The following THSD4 variants were observed in gnomAD, a reference collection of about 807,000 sequenced individuals.
The protein encoded by THSD4 is thrombospondin type-1 domain-containing protein 4.
In THSD4, 69 loss-of-function variants were observed where a neutral mutation model predicts 119.0. That is an observed-to-expected ratio of 0.58 (90% CI 0.48 to 0.71). The LOEUF is 0.71. Ranked by LOEUF, THSD4 falls within the 30% of genes least tolerant of loss-of-function variation. The probability of loss-of-function intolerance (pLI) is 0.00; values close to 1 mark genes in which losing one functional copy is unlikely to be tolerated. For missense variants in THSD4, 1,393 were observed against 1,391.1 expected (o/e 1.00, Z -0.02); for synonymous variants, 524 against 540.4 (o/e 0.97, Z 0.42).
chr15:71,439,147 C>T (rs2047054637), intron 7 of THSD4, among the ~76,000 whole-genome samples: 1 of 152,232 alleles, frequency 6.6e-6, no homozygotes. Flanking sequence ...AAACAAATCA[C>T]TGCTCCCATA....
At chr15:71,721,204 T>TA (rs1226573585) in intron 8 of THSD4, among the ~76,000 whole-genome samples, 4 of 151,146 alleles carry the variant, frequency 2.6e-5, no homozygotes, top group South Asian at 4.2e-4. Flanking sequence ...CTGTCTCTAT[T>TA]AAAAAATACA....
intron 7 of THSD4, among the ~76,000 whole-genome samples, chr15:71,581,302 G>C (rs758343466): frequency 6.6e-6 from 1 of 152,064 alleles, no homozygotes; most frequent in Non-Finnish European, 1.5e-5. Flanking sequence ...CATTTCCTTG[G>C]TGATTAGTGA....
chr15:71,680,998 A>G (rs1201080472), intron 8 of THSD4, among the ~76,000 whole-genome samples: 1 of 149,964 alleles, frequency 6.7e-6, no homozygotes, highest in Non-Finnish European at 1.5e-5. Flanking sequence ...AGCTCACTGC[A>G]ACCTCTTCCT....
In THSD4 at chr15:71,526,545, T is replaced by C. The variant is rs1362075929; in HGVS notation, c.1152+114722T>C. 3.3e-5 allele frequency among the ~76,000 whole-genome samples: 5 copies of C among 152,298 alleles called. No homozygotes were observed. The East Asian group carries it at 9.6e-4, about 29-fold the overall frequency. ...CTGAAAGAAACTATTTCAGGAATAG[T>C]TGCACTGGAATATTCCAGGAATAGT... On this transcript the variant is annotated intron_variant, in intron 7 of 17. Coordinates refer to ENST00000261862, the MANE Select transcript of THSD4 (RefSeq NM_024817.3).
chr15:71,437,699 A>G (rs1296544570), intron 7 of THSD4, among the ~76,000 whole-genome samples: 1 of 152,200 alleles, frequency 6.6e-6, no homozygotes, highest in South Asian at 2.1e-4. Context: ...GGGTCCCTTT[A>G]CATGTTTGCA....
At chr15:71,169,591 A>AT (rs1323150139) in intron 3 of THSD4, among the ~76,000 whole-genome samples, 5 of 152,226 alleles carry the variant, frequency 3.3e-5, no homozygotes, top group Non-Finnish European at 7.3e-5. Flanking sequence ...CCAAACAACA[A>AT]TAAGGAAAAA....
At chr15:71,167,926 G>A (rs560319072) in intron 3 of THSD4, among the ~76,000 whole-genome samples, 1 of 152,298 alleles carries the variant, frequency 6.6e-6, no homozygotes, top group East Asian at 1.9e-4. Context: ...TCCAAATGCT[G>A]CTCAGGTGAC....
chr15:71,581,729 G>A (rs1037856267), intron 7 of THSD4, among the ~76,000 whole-genome samples: 6 of 152,084 alleles, frequency 3.9e-5, no homozygotes, highest in Non-Finnish European at 7.4e-5. Context: ...CCACTCTTCT[G>A]CATGTGGACA....
chr15:71,708,830 C>T (rs2052447032), intron 8 of THSD4, among the ~76,000 whole-genome samples: 1 of 152,200 alleles, frequency 6.6e-6, no homozygotes, highest in East Asian at 1.9e-4. Flanking sequence ...GGGCAAATAG[C>T]GTTGCCCTGA....
chr15:71,417,647 G>A lies in THSD4; in HGVS notation c.1152+5824G>A, dbSNP rs192561512. ...CTGTTTTGGTTACTATTGCTCTGTA[G>A]TGTGATTTGAAATCAAGTAATGTAA... On this transcript the variant is annotated intron_variant, in intron 7 of 17. Coordinates refer to ENST00000261862, the MANE Select transcript of THSD4 (RefSeq NM_024817.3). Among the ~76,000 whole-genome samples the A allele has an allele frequency of 1.9e-5, 2 of 108,050 alleles. 1 individual carries two copies. The highest frequency in any genetic ancestry group is 4.1e-5 in the Non-Finnish European group (2 of 49,196). The allele number at this position is 108,050 out of a possible 152,430, so 70.9% of individuals were successfully genotyped here. A position where few individuals can be genotyped will look rare whatever the true frequency, so the allele number is the denominator to read the frequency against.
chr15:71,482,768 G>A (rs916262393), intron 7 of THSD4, among the ~76,000 whole-genome samples: 1 of 151,762 alleles, frequency 6.6e-6, no homozygotes, highest in Non-Finnish European at 1.5e-5. Context: ...TGTGGTTTTA[G>A]TAGAGATGGG....
chr15:71,379,064 A>G (rs976479753), intron 6 of THSD4, among the ~76,000 whole-genome samples: 1 of 152,182 alleles, frequency 6.6e-6, no homozygotes, highest in Non-Finnish European at 1.5e-5. Flanking sequence ...GATTATAGGC[A>G]TGAGCCACCA....
chr15:71,593,464 A>C (rs1377567621), intron 7 of THSD4, among the ~76,000 whole-genome samples: 1 of 3,978 alleles, frequency 2.5e-4, no homozygotes, highest in African/African-American at 2.8e-4. Flanking sequence ...AAAAAAAAAA[A>C]AAAAAAAAAA....
chr15:71,304,929 T>A (rs2045003682), intron 6 of THSD4, among the ~76,000 whole-genome samples: 1 of 152,228 alleles, frequency 6.6e-6, no homozygotes, highest in African/African-American at 2.4e-5. Flanking sequence ...ATCAAATACA[T>A]GTTTCCAATA....
At chr15:71,341,116 C>CTT in intron 6 of THSD4, 16 of 1,168,414 alleles carry the variant, frequency 1.4e-5, no homozygotes, top group Non-Finnish European at 1.7e-5. Context: ...CTCTCTCTCC[C>CTT]TTTTTTTTTT....
chr15:71,656,232 GTA>G (rs1222559880), intron 7 of THSD4, among the ~76,000 whole-genome samples: 1 of 152,040 alleles, frequency 6.6e-6, no homozygotes, highest in Non-Finnish European at 1.5e-5. Context: ...GTTAATAGTA[GTA>G]TACTGCTGTC....
intron 6 of THSD4, among the ~76,000 whole-genome samples, chr15:71,260,391 T>C (rs2044377251): frequency 6.6e-6 from 1 of 152,192 alleles, no homozygotes; most frequent in South Asian, 2.1e-4. Flanking sequence ...CCATTAGTTA[T>C]CAGCCCATGA....
intron 7 of THSD4, among the ~76,000 whole-genome samples, chr15:71,635,868 T>C (rs2050729518): frequency 6.6e-6 from 1 of 152,212 alleles, no homozygotes. Context: ...ACTTAGATGT[T>C]ATCATATGCC....
intron 7 of THSD4, among the ~76,000 whole-genome samples, chr15:71,468,037 C>T (rs1241193936): frequency 3.9e-5 from 6 of 151,904 alleles, no homozygotes; most frequent in African/African-American, 9.7e-5. Flanking sequence ...TTAGTGGAAA[C>T]GAGGTTTCAT....
Sources: allele counts gnomAD v4.1 joint callset (sites outside exome capture counted in the v4.1 genomes callset), GRCh38; gene constraint gnomAD v4.1.1; transcripts MANE v1.5; gene names NCBI Gene and HGNC (gene_info 2026-07-23, HGNC 2026-07-21).